MSH3: variants seen among roughly 807,000 people sequenced by gnomAD.
The protein encoded by MSH3 is DNA mismatch repair protein Msh3.
MSH3 carries 106 observed loss-of-function variants against 123.3 expected under a neutral mutation model. The ratio of observed to expected loss-of-function variants is 0.86; its 90% CI spans 0.73 to 1.01. The LOEUF (loss-of-function observed/expected upper bound fraction) is 1.01, where lower values mean the gene tolerates loss of function less well. Among genes scored for constraint, MSH3 ranks in the 50% least tolerant of loss-of-function variants. The pLI is 0.00. For synonymous variants in MSH3, 515 were observed against 481.4 expected (o/e 1.07, Z -0.91); for missense variants, 1,459 against 1,347.6 (o/e 1.08, Z -1.29).
intron 19 of MSH3, among the ~76,000 whole-genome samples, chr5:80,793,920 G>C (rs903548747): frequency 1.3e-5 from 2 of 152,138 alleles, no homozygotes; most frequent in African/African-American, 4.8e-5. Context: ...TAATACTCCT[G>C]CATAGGGAAG....
intron 13 of MSH3, among the ~76,000 whole-genome samples, chr5:80,763,576 G>C (rs1203639092): frequency 6.6e-6 from 1 of 152,208 alleles, no homozygotes; most frequent in African/African-American, 2.4e-5. Flanking sequence ...TTAAACAACA[G>C]ATCTCCAGGC....
chr5:80,752,142 A>G (rs1743850845), intron 12 of MSH3, among the ~76,000 whole-genome samples: 1 of 151,988 alleles, frequency 6.6e-6, no homozygotes, highest in African/African-American at 2.4e-5. Flanking sequence ...ACATTTATAT[A>G]TATATTTAAA....
In MSH3 at chr5:80,854,569, G is replaced by A. The variant is rs6151913; in HGVS notation, c.3000+253G>A. Among the ~76,000 whole-genome samples, 571 of 151,988 alleles carry A rather than the reference G, an allele frequency of 3.8e-3. 1 individual carries two copies. Among genetic ancestry groups the A allele is most frequent in the African/African-American group, 0.011 (469 of 41,440 alleles). On this transcript the variant is annotated intron_variant, in intron 21 of 23. Transcript: ENST00000265081. ...TTATTACTGCTGTAGTCATAATACC[G>A]TTATGCAATCCCTGCATACCCTTTT...
intron 8 of MSH3, among the ~76,000 whole-genome samples, chr5:80,681,175 C>T (rs192621077): frequency 6.6e-6 from 1 of 152,126 alleles, no homozygotes. Flanking sequence ...TGCATCAAAT[C>T]TCTTCATTTT....
At chr5:80,723,094 A>AAAATAAATAAAT (rs57338891) in intron 8 of MSH3, among the ~76,000 whole-genome samples, 11,096 of 144,390 alleles carry the variant, frequency 0.077, 475 homozygotes, top group Non-Finnish European at 0.099. Flanking sequence ...ACTCTGTCTA[A>AAAATAAATAAAT]AAATAAATAA....
intron 12 of MSH3, chr5:80,746,330 G>C (rs1027439550): frequency 8.5e-6 from 3 of 353,276 alleles, no homozygotes; most frequent in Non-Finnish European, 1.1e-5. Flanking sequence ...ACGGCGTCAA[G>C]GACGTTTCAC....
At chr5:80,831,731 T>C (rs1745420996) in intron 20 of MSH3, among the ~76,000 whole-genome samples, 1 of 152,072 alleles carries the variant, frequency 6.6e-6, no homozygotes, top group Admixed American at 6.5e-5. Flanking sequence ...ACATCCATTT[T>C]GGACAGAGTT....
At chr5:80,801,265 C>T (rs1744785273) in intron 19 of MSH3, among the ~76,000 whole-genome samples, 1 of 152,162 alleles carries the variant, frequency 6.6e-6, no homozygotes, top group Admixed American at 6.5e-5. Context: ...AGAGGAGAAG[C>T]AGGAAGACCC....
intron 17 of MSH3, among the ~76,000 whole-genome samples, chr5:80,779,210 G>A (rs916892860): frequency 6.6e-6 from 1 of 151,696 alleles, no homozygotes; most frequent in African/African-American, 2.4e-5. Context: ...CCAGGCTGAT[G>A]TTGTACTCCT....
At chr5:80,662,089 A>T (rs919310058) in intron 2 of MSH3, among the ~76,000 whole-genome samples, 2 of 152,232 alleles carry the variant, frequency 1.3e-5, no homozygotes, top group African/African-American at 4.8e-5. Context: ...CATTAATCTC[A>T]TAAGATTATA....
intron 17 of MSH3, among the ~76,000 whole-genome samples, chr5:80,785,512 C>T (rs1744490092): frequency 6.6e-6 from 1 of 152,114 alleles, no homozygotes; most frequent in Non-Finnish European, 1.5e-5. Context: ...GTTGGTGGGA[C>T]TGTAACCTAG....
chr5:80,679,821 T>C (rs1749930065), intron 8 of MSH3, among the ~76,000 whole-genome samples: 1 of 152,196 alleles, frequency 6.6e-6, no homozygotes, highest in Non-Finnish European at 1.5e-5. Context: ...TTGGAAAGAC[T>C]CCGTACTGCC....
At chr5:80,676,385 A>G (rs1749838885) in intron 7 of MSH3, among the ~76,000 whole-genome samples, 1 of 152,210 alleles carries the variant, frequency 6.6e-6, no homozygotes, top group Admixed American at 6.5e-5. Flanking sequence ...GCTCATTTAC[A>G]GACTTACGTG....
chr5:80,665,440 A>C, intron 3 of MSH3, 77 bp downstream of exon 3: 1 of 1,056,000 alleles, frequency 9.5e-7, no homozygotes, highest in Non-Finnish European at 1.4e-6. Flanking sequence ...CTCTGAGGTC[A>C]TTCATGGCAA....
rs970595288 is a variant in MSH3 at position 80,802,205 on chromosome 5, A to G, written c.2655+9361A>G. ...TTTTTTTAAGAAATAGCCATTTTTT[A>G]TATAAAAATTTTTATATCCTGCTCT... On this transcript the variant is annotated intron_variant, in intron 19 of 23. Coordinates refer to ENST00000265081, the MANE Select transcript of MSH3 (RefSeq NM_002439.5). Among the ~76,000 whole-genome samples the G allele has an allele frequency of 9.0e-4, 137 of 151,928 alleles. 2 individuals carry two copies. Among genetic ancestry groups the G allele is most frequent in the Admixed American group, 8.5e-3 (130 of 15,222 alleles).
intron 14 of MSH3, 54 bp downstream of exon 14, chr5:80,768,174 A>C (rs1744156454): frequency 6.8e-7 from 1 of 1,465,270 alleles, no homozygotes; most frequent in East Asian, 2.3e-5. Flanking sequence ...AATTCAGTGC[A>C]TTTGCCATTT....
At chr5:80,823,836 C>A (rs1377029875) in intron 20 of MSH3, among the ~76,000 whole-genome samples, 2 of 152,122 alleles carry the variant, frequency 1.3e-5, no homozygotes, top group Non-Finnish European at 1.5e-5. Context: ...AGGCAGAGGA[C>A]CCTGCGGCCT....
intron 19 of MSH3, among the ~76,000 whole-genome samples, chr5:80,808,872 TATATATATATAC>T (rs1430048174): frequency 1.7e-4 from 22 of 129,600 alleles, no homozygotes; most frequent in Admixed American, 5.9e-4. Context: ...TATATATATA[TATATATATATAC>T]ACAATCTAAA....
chr5:80,851,474 CTT>C (rs532022097), intron 20 of MSH3, among the ~76,000 whole-genome samples: 6 of 152,044 alleles, frequency 3.9e-5, no homozygotes, highest in Non-Finnish European at 7.4e-5. Flanking sequence ...TGAATTGACT[CTT>C]TATGTTCTTT....
Sources: gnomAD v4.1 joint callset for allele counts (sites outside exome capture counted in the v4.1 genomes callset) on GRCh38, gnomAD v4.1.1 for gene constraint, MANE v1.5 for transcripts, NCBI Gene and HGNC (gene_info 2026-07-23, HGNC 2026-07-21) for gene names.